GSTZ1: variants seen among roughly 807,000 people sequenced by gnomAD.
The protein encoded by GSTZ1 is maleylacetoacetate isomerase.
A neutral mutation model predicts 35.9 loss-of-function variants in GSTZ1; 34 were observed. The ratio of observed to expected loss-of-function variants is 0.95; its 90% CI spans 0.72 to 1.26. GSTZ1 has a LOEUF of 1.26. Among genes scored for constraint, GSTZ1 ranks in the 50% most tolerant of loss-of-function variants. The pLI is 0.00. For synonymous variants in GSTZ1, 93 were observed against 101.2 expected, an observed-to-expected ratio of 0.92 and a Z score of 0.49; for missense variants, 263 against 271.7, an observed-to-expected ratio of 0.97 and a Z score of 0.23.
chr14:77,324,973 C>T (rs770927228), intron 2 of GSTZ1, 52 bp downstream of exon 2: 24 of 1,463,524 alleles, frequency 1.6e-5, no homozygotes, highest in Non-Finnish European at 2.2e-5. Flanking sequence ...TGGACTGGGG[C>T]GGATAAGCCC....
At chr14:77,323,935 T>G (rs1892162028) in intron 1 of GSTZ1, 1 of 152,346 alleles carries the variant, frequency 6.6e-6, no homozygotes, top group African/African-American at 2.4e-5. Flanking sequence ...CAACCTTTGT[T>G]TTACAAATGA....
intron 1 of GSTZ1, 34 bp from the exon 2 acceptor site, chr14:77,324,836 G>A: frequency 6.2e-7 from 1 of 1,608,612 alleles, no homozygotes; most frequent in Non-Finnish European, 8.5e-7. Context: ...ACCCAGCATG[G>A]GTTAACACGC....
In GSTZ1 at chr14:77,324,971, G is replaced by T. The variant is rs199898652; in HGVS notation, c.67+50G>T. ...TGAGTGCTGGAGTGGGGTGGACTGG[G>T]GCGGATAAGCCCGGGTGCAAAGCTG... On this transcript the variant is annotated intron_variant, in intron 2 of 8. Coordinates refer to ENST00000216465, the MANE Select transcript of GSTZ1 (RefSeq NM_145870.3). 621 of 1,503,366 alleles carry T rather than the reference G, an allele frequency of 4.1e-4. 2 individuals are homozygous for T. The highest frequency in any genetic ancestry group is 2.5e-3 in the East Asian group (109 of 44,370). 93.1% of individuals were successfully genotyped at this position (1,503,366 alleles called of 1,614,324 possible). A position where few individuals can be genotyped will look rare whatever the true frequency, so the allele number is the denominator to read the frequency against.
Position 77,324,855 on chromosome 14 carries a change from C to CCT in GSTZ1, c.16-7_16-6dup. The CCT allele has an allele frequency of 6.2e-7, 1 of 1,613,608 alleles. No individual in the cohort carries two copies. The highest frequency in any genetic ancestry group is 8.5e-7 in the Non-Finnish European group (1 of 1,179,468). Reference sequence around the variant, plus strand: ...AGCATGGGTTAACACGCGCCTTCATCCTCTCTCTCCTCAGCCCATCCTCTA... The same window carrying CCT: ...AGCATGGGTTAACACGCGCCTTCATCCTCTCTCTCTCCTCAGCCCATCCTCTA... On this transcript the variant is annotated splice_polypyrimidine_tract_variant and intron_variant, in intron 1 of 8. Coordinates refer to ENST00000216465, the MANE Select transcript of GSTZ1 (RefSeq NM_145870.3).
At chr14:77,324,735 G>A (rs1892221793) in intron 1 of GSTZ1, 135 bp from the exon 2 acceptor site, 2 of 1,144,824 alleles carry the variant, frequency 1.7e-6, no homozygotes, top group South Asian at 2.6e-5. Context: ...CAGAGAGCTT[G>A]GAGTCTGCCC....
chr14:77,330,189 A>C (rs1301167366), intron 7 of GSTZ1, 121 bp from the exon 8 acceptor site: 2 of 810,790 alleles, frequency 2.5e-6, no homozygotes, highest in Non-Finnish European at 4.5e-6. Flanking sequence ...TGGAGGTGGG[A>C]TGGGTGAAAG....
intron 7 of GSTZ1, 90 bp downstream of exon 7, chr14:77,329,897 C>A: frequency 1.0e-6 from 1 of 965,654 alleles, no homozygotes; most frequent in Non-Finnish European, 1.7e-6. Context: ...CCTGAGAAGG[C>A]GTCTGCAGGG....
rs966423016 is a variant in GSTZ1, at chr14:77,324,808, C to T, written c.16-62C>T. ...GCAGGACAGGAAGAAATGGTTGACT[C>T]CTCCCAAGCTGGAGCCCACCCAGCA... On this transcript the variant is annotated intron_variant, in intron 1 of 8. Transcript: ENST00000216465. The T allele has an allele frequency of 6.6e-6, 10 of 1,505,708 alleles. No individual in the cohort carries two copies. The African/African-American group carries it at 6.9e-5, about 10-fold the overall frequency. 93.3% of individuals were successfully genotyped at this position (1,505,708 alleles called of 1,614,324 possible). A position where few individuals can be genotyped will look rare whatever the true frequency, so the allele number is the denominator to read the frequency against.
chr14:77,325,436 G>A (rs1005454238), intron 2 of GSTZ1: 6 of 164,198 alleles, frequency 3.7e-5, no homozygotes, highest in Non-Finnish European at 5.4e-5. Context: ...CTGAGGAAAA[G>A]CTCTGTGCTG....
intron 4 of GSTZ1, 161 bp downstream of exon 4, chr14:77,327,713 G>T: frequency 1.4e-6 from 1 of 730,502 alleles, no homozygotes; most frequent in Admixed American, 2.4e-5. Flanking sequence ...GGAAAATAAG[G>T]GAAGATTCAA....
chr14:77,324,393 C>T (rs943973189), intron 1 of GSTZ1: 7 of 600,432 alleles, frequency 1.2e-5, no homozygotes, highest in Non-Finnish European at 2.1e-5. Flanking sequence ...ATGATCCACC[C>T]ACCTTGGCTC....
At chr14:77,330,145 G>C (rs879164702) in intron 7 of GSTZ1, 165 bp from the exon 8 acceptor site, 1 of 764,204 alleles carries the variant, frequency 1.3e-6, no homozygotes, top group Non-Finnish European at 2.4e-6. Flanking sequence ...AGCTCCGGGG[G>C]ACAGACTCAT....
At chr14:77,330,578 C>G (rs773161109) in intron 8 of GSTZ1, among the ~76,000 whole-genome samples, 2 of 152,174 alleles carry the variant, frequency 1.3e-5, no homozygotes, top group Non-Finnish European at 2.9e-5. Context: ...TATAGATAGC[C>G]CCAGCTCCTA....
chr14:77,330,341 A>C lies in GSTZ1; in HGVS notation c.506A>C (p.Gln169Pro). ...ATGGCTGATCTGTGCTTGGTGCCTC[A>C]GGTGGCAAATGCTGAAAGGTAAGAG... ...VTMADLCLVP[Q>P]VANAERFKVD... The change falls in exon 8 of 9, where the codon CAG becomes CCG. Residue 169 changes from glutamine to proline, a missense_variant. Coordinates refer to ENST00000216465, the MANE Select transcript of GSTZ1 (RefSeq NM_145870.3). 1 of 1,613,752 alleles carries C rather than the reference A, an allele frequency of 6.2e-7. No homozygotes were observed. Among genetic ancestry groups the C allele is most frequent in the South Asian group, 1.1e-5 (1 of 91,072 alleles).
intron 1 of GSTZ1, chr14:77,321,447 C>T (rs1188133023): frequency 3.9e-6 from 6 of 1,519,724 alleles, no homozygotes; most frequent in South Asian, 1.2e-5. Context: ...TTCACTTCTG[C>T]TCCGCCCTCC....
At chr14:77,328,929 T>A (rs989350778) in intron 5 of GSTZ1, 194 bp from the exon 6 acceptor site, 6 of 601,996 alleles carry the variant, frequency 1.0e-5, no homozygotes, top group Non-Finnish European at 1.8e-5. Flanking sequence ...CCTGCAAAGG[T>A]GGCTGCTGGG....
In GSTZ1 at chr14:77,321,202, G is replaced by A. The variant is rs1260179570; in HGVS notation, c.15+19G>A. ...GGGGAAGGTCTGTGACGCGCACCCG[G>A]GTGGAGGGAAGCTGGTTAGACACCT... On this transcript the variant is annotated intron_variant, in intron 1 of 8. Transcript: ENST00000216465. 5.7e-5 allele frequency: 86 copies of A among 1,496,182 alleles called. 1 individual carries two copies. The highest frequency in any genetic ancestry group is 7.2e-5 in the Non-Finnish European group (80 of 1,114,856). 92.7% of individuals were successfully genotyped at this position (1,496,182 alleles called of 1,614,324 possible).
At chr14:77,329,653 C>T (rs1383253184) in intron 6 of GSTZ1, 102 bp from the exon 7 acceptor site, 1 of 874,180 alleles carries the variant, frequency 1.1e-6, no homozygotes, top group Non-Finnish European at 1.9e-6. Flanking sequence ...CAGTCTGTCA[C>T]TCAGTTGGGC....
intron 2 of GSTZ1, chr14:77,326,457 T>C (rs930250252): frequency 1.7e-5 from 3 of 178,164 alleles, no homozygotes; most frequent in Non-Finnish European, 3.6e-5. Flanking sequence ...ACCAAGACAC[T>C]GGTCACCACT....
Sources: allele counts gnomAD v4.1 joint callset (sites outside exome capture counted in the v4.1 genomes callset), GRCh38; gene constraint gnomAD v4.1.1; transcripts MANE v1.5; gene names NCBI Gene and HGNC (gene_info 2026-07-23, HGNC 2026-07-21).